Variants in SHISA6 observed in about 807,000 individuals in gnomAD.
SHISA6 encodes the protein shisa family member 6.
Under a neutral mutation model 47.9 loss-of-function variants are expected in SHISA6, and 22 were observed. That is an observed-to-expected ratio of 0.46 (90% CI 0.33 to 0.66). SHISA6 has a LOEUF of 0.66. Ranked by LOEUF, SHISA6 falls within the 30% of genes least tolerant of loss-of-function variation. SHISA6 has a pLI of 0.02. For synonymous variants in SHISA6, 388 were observed against 337.8 expected (o/e 1.15, Z -1.63); for missense variants, 680 against 764.6 (o/e 0.89, Z 1.30).
Position 11,475,599 on chromosome 17 carries a change from TGA to T in SHISA6, c.896-76295_896-76294del, listed in dbSNP as rs1916032598. Among the ~76,000 whole-genome samples, 3 of 152,142 alleles carry T rather than the reference TGA, an allele frequency of 2.0e-5. No individual in the cohort carries two copies. In the South Asian group the frequency reaches 6.2e-4, roughly 31 times the overall value. On this transcript the variant is annotated intron_variant, in intron 3 of 5. Transcript: ENST00000441885. ...GATTAGTTAATTGGTTTTTTAAAGT[TGA>T]GCCAGCTTTGCATACCTGGGGTATA...
chr17:11,445,725 A>G lies in SHISA6; in HGVS notation c.895+66216A>G, dbSNP rs557627560. On this transcript the variant is annotated intron_variant, in intron 3 of 5. Coordinates refer to ENST00000441885, the MANE Select transcript of SHISA6 (RefSeq NM_207386.4). ...CAGGGTAGGGGAGGTAATAACTACAAACAAACAAGGAAAGCTCTAAGGAGG... is the reference window on the plus strand; with the variant it reads ...CAGGGTAGGGGAGGTAATAACTACAGACAAACAAGGAAAGCTCTAAGGAGG... 4.6e-5 allele frequency among the ~76,000 whole-genome samples: 7 copies of G among 152,324 alleles called. No homozygotes were observed. The East Asian group carries it at 5.8e-4, about 13-fold the overall frequency.
At chr17:11,246,298 G>A (rs1198183350) in intron 1 of SHISA6, among the ~76,000 whole-genome samples, 1 of 152,186 alleles carries the variant, frequency 6.6e-6, no homozygotes, top group Non-Finnish European at 1.5e-5. Flanking sequence ...AGACCATCCT[G>A]GCTAACACGG....
chr17:11,546,539 A>C (rs922705954), intron 3 of SHISA6, among the ~76,000 whole-genome samples: 1 of 152,254 alleles, frequency 6.6e-6, no homozygotes, highest in African/African-American at 2.4e-5. Flanking sequence ...GACAAAGTTT[A>C]TCAGGCAAGT....
At position 11,241,788 on chromosome 17, in the gene SHISA6, T is replaced by C; in HGVS notation, c.366T>C (p.Gly122=). ...NSESGYLYCC[G]TCYYRFCCKK... ...AGAGCGGCTACCTGTACTGCTGCGG[T>C]ACCTGCTACTACCGCTTCTGCTGCA... Residue 122 remains glycine, a synonymous_variant, in exon 1 of 6, where the codon GGT becomes GGC. Transcript: ENST00000441885. This position sits in a 1 kb window ranked among gnomAD's most constrained non-coding sequence, Gnocchi z 5.5. 6.5e-7 allele frequency: 1 copy of C among 1,549,970 alleles called. No individual in the cohort carries two copies. Among genetic ancestry groups the C allele is most frequent in the Non-Finnish European group, 8.7e-7 (1 of 1,146,978 alleles).
intron 2 of SHISA6, among the ~76,000 whole-genome samples, chr17:11,347,193 G>GAA (rs766021427): frequency 7.1e-6 from 1 of 141,396 alleles, no homozygotes; most frequent in Non-Finnish European, 1.5e-5. Context: ...TTTTTTGAGG[G>GAA]AAAAAAAAAA....
chr17:11,465,131 A>G (rs920940466), intron 3 of SHISA6, among the ~76,000 whole-genome samples: 1 of 152,044 alleles, frequency 6.6e-6, no homozygotes, highest in Non-Finnish European at 1.5e-5. Flanking sequence ...TTATGTCCCA[A>G]AGGATCTGGT....
intron 2 of SHISA6, among the ~76,000 whole-genome samples, chr17:11,324,042 A>C (rs1302059585): frequency 6.6e-6 from 1 of 152,174 alleles, no homozygotes; most frequent in Non-Finnish European, 1.5e-5. Context: ...GTGCACACCC[A>C]GCGGTATATG....
chr17:11,329,193 G>A (rs886720896), intron 2 of SHISA6, among the ~76,000 whole-genome samples: 13 of 152,212 alleles, frequency 8.5e-5, no homozygotes, highest in African/African-American at 3.1e-4. Context: ...TAGCCCTGGT[G>A]TAGCCTCTTC....
chr17:11,479,998 TTTTG>T (rs1416657327), intron 3 of SHISA6, among the ~76,000 whole-genome samples: 23 of 152,136 alleles, frequency 1.5e-4, no homozygotes, highest in African/African-American at 4.6e-4. Flanking sequence ...TTCCCTCAAT[TTTTG>T]TTTGTCCAAG....
In SHISA6 at chr17:11,248,759, A is replaced by G. The variant is rs9910437; in HGVS notation, c.638+6699A>G. 4.9e-3 allele frequency among the ~76,000 whole-genome samples: 746 copies of G among 152,318 alleles called. 13 individuals carry two copies. The highest frequency in any genetic ancestry group is 0.017 in the African/African-American group (701 of 41,568). ...TTATAAGGTCTGAGTAATGCGGACT[A>G]TTGAAGAAGGAAAATAACAGCACAA... On this transcript the variant is annotated intron_variant, in intron 1 of 5. Coordinates refer to ENST00000441885, the MANE Select transcript of SHISA6 (RefSeq NM_207386.4).
intron 1 of SHISA6, among the ~76,000 whole-genome samples, chr17:11,244,849 A>G (rs1907513783): frequency 6.6e-6 from 1 of 152,196 alleles, no homozygotes; most frequent in Admixed American, 6.5e-5. Flanking sequence ...ATAGGTGGGC[A>G]GACAGGGGCT....
chr17:11,530,734 GTTC>G (rs1486933902), intron 3 of SHISA6, among the ~76,000 whole-genome samples: 2 of 152,142 alleles, frequency 1.3e-5, no homozygotes, highest in Non-Finnish European at 2.9e-5. Flanking sequence ...TATTTAAGAT[GTTC>G]TTCTTTGTGG....
At chr17:11,347,360 AGAAACAATG>A (rs1222217795) in intron 2 of SHISA6, among the ~76,000 whole-genome samples, 9 of 152,222 alleles carry the variant, frequency 5.9e-5, no homozygotes, top group Admixed American at 5.9e-4. Context: ...GTCAACAGAG[AGAAACAATG>A]GAAAAGGCTA....
intron 3 of SHISA6, among the ~76,000 whole-genome samples, chr17:11,494,806 C>A (rs2071394818): frequency 6.6e-6 from 1 of 152,182 alleles, no homozygotes; most frequent in African/African-American, 2.4e-5. Flanking sequence ...TGGAGCAGTT[C>A]TCAATGTTGG....
Position 11,263,467 on chromosome 17 carries a change from C to G in SHISA6, c.740C>G (p.Pro247Arg). The G allele has an allele frequency of 1.9e-6, 3 of 1,551,728 alleles. No individual in the cohort carries two copies. Among genetic ancestry groups the G allele is most frequent in the Non-Finnish European group, 2.6e-6 (3 of 1,147,018 alleles). Residue 247 changes from proline to arginine, a missense_variant, in exon 2 of 6, where the codon CCG becomes CGG. Coordinates refer to ENST00000441885, the MANE Select transcript of SHISA6 (RefSeq NM_207386.4). ...GATACCTCTCCCAAAGAGAACACGCCGGTCAGATCGTCCTCCAAAAACCAC... is the reference window on the plus strand; with the variant it reads ...GATACCTCTCCCAAAGAGAACACGCGGGTCAGATCGTCCTCCAAAAACCAC... The part of the protein sequence containing the change: ...AIDTSPKENT[P>R]VRSSSKNHYT...
At chr17:11,542,545 C>T (rs992880854) in intron 3 of SHISA6, among the ~76,000 whole-genome samples, 2 of 152,088 alleles carry the variant, frequency 1.3e-5, no homozygotes, top group African/African-American at 4.8e-5. Context: ...CATTTGAATT[C>T]ACACATATTA....
chr17:11,557,858 C>A lies in SHISA6; in HGVS notation c.1210C>A (p.Pro404Thr). 6.4e-7 allele frequency: 1 copy of A among 1,551,424 alleles called. No individual in the cohort carries two copies. The highest frequency in any genetic ancestry group is 1.2e-5 in the South Asian group (1 of 84,060). ...TGTCATCCAGATGTCCCAACAGAAG[C>A]CGTTGCCAAGGGAACGACCCCGCCG... The part of the protein sequence containing the change: ...LNVIQMSQQK[P>T]LPRERPRRPI... The change falls in exon 6 of 6, where the codon CCG (proline) becomes ACG (threonine). Residue 404 changes from proline (P) to threonine (T), a missense_variant. This residue lies in a region of SHISA6 where 559 missense variants were observed against 674.1 expected (regional missense o/e 0.83). Coordinates refer to ENST00000441885, the MANE Select transcript of SHISA6 (RefSeq NM_207386.4).
At chr17:11,294,032 C>T (rs372471371) in intron 2 of SHISA6, among the ~76,000 whole-genome samples, 4 of 152,014 alleles carry the variant, frequency 2.6e-5, no homozygotes, top group Middle Eastern at 3.4e-3. Flanking sequence ...ACTACAGGTG[C>T]GCACCACCAT....
chr17:11,382,208 G>A (rs1286326868), intron 3 of SHISA6, among the ~76,000 whole-genome samples: 1 of 152,160 alleles, frequency 6.6e-6, no homozygotes, highest in Non-Finnish European at 1.5e-5. Context: ...GAGTAGCTGG[G>A]ACTACAGGCG....
Sources: gnomAD v4.1 joint callset for allele counts (sites outside exome capture counted in the v4.1 genomes callset) on GRCh38, gnomAD v4.1.1 for gene constraint, gnomAD v4.1.1 regional missense constraint, Gnocchi (gnomAD v3.1) non-coding constraint, MANE v1.5 for transcripts, NCBI Gene and HGNC (gene_info 2026-07-23, HGNC 2026-07-21) for gene names.